Variants in SPECC1L observed in about 807,000 individuals in gnomAD.
The protein encoded by SPECC1L is cytospin-A.
SPECC1L carries 40 observed loss-of-function variants against 116.8 expected under a neutral mutation model. The observed-to-expected ratio is 0.34, with a 90% confidence interval of 0.27 to 0.45. The LOEUF is 0.45. Ranked by LOEUF, SPECC1L falls within the 20% of genes least tolerant of loss-of-function variation. The pLI is 1.00. For synonymous variants in SPECC1L, 504 were observed against 500.6 expected (o/e 1.01, Z -0.09); for missense variants, 1,110 against 1,373.6 (o/e 0.81, Z 3.03).
intron 3 of SPECC1L, among the ~76,000 whole-genome samples, chr22:24,306,424 A>G (rs906922692): frequency 6.6e-6 from 1 of 151,248 alleles, no homozygotes; most frequent in Non-Finnish European, 1.5e-5. Context: ...TTGCCTGCCC[A>G]GGCTGGAGTA....
At chr22:24,351,005 G>A (rs2041410142) in intron 11 of SPECC1L, among the ~76,000 whole-genome samples, 1 of 152,170 alleles carries the variant, frequency 6.6e-6, no homozygotes. Context: ...TGAGGAGAGT[G>A]GAGTGCTGCA....
intron 13 of SPECC1L, among the ~76,000 whole-genome samples, chr22:24,366,808 G>A (rs1446627623): frequency 6.6e-6 from 1 of 152,138 alleles, no homozygotes; most frequent in African/African-American, 2.4e-5. Context: ...AGGACTAAGA[G>A]GTATTAAGAA....
At chr22:24,307,635 A>G (rs1569414071) in intron 3 of SPECC1L, among the ~76,000 whole-genome samples, 3 of 151,856 alleles carry the variant, frequency 2.0e-5, no homozygotes, top group Non-Finnish European at 4.4e-5. Flanking sequence ...ACGTACGTGT[A>G]TGTGTATGTG....
intron 3 of SPECC1L, among the ~76,000 whole-genome samples, chr22:24,303,844 G>GGTGTGTGTGTGTGTGT (rs3031935): frequency 1.1e-4 from 16 of 143,990 alleles, no homozygotes; most frequent in East Asian, 4.1e-4. Flanking sequence ...GTTTAAATAG[G>GGTGTGTGTGTGTGTGT]GTGTGTGTGT....
chr22:24,349,560 G>A (rs949138309), intron 11 of SPECC1L, among the ~76,000 whole-genome samples: 5 of 152,112 alleles, frequency 3.3e-5, no homozygotes, highest in Admixed American at 6.6e-5. Context: ...TTCCCATTTT[G>A]ATATTGAATA....
intron 14 of SPECC1L, among the ~76,000 whole-genome samples, chr22:24,397,018 T>C (rs1479356755): frequency 6.6e-6 from 1 of 152,216 alleles, no homozygotes; most frequent in East Asian, 1.9e-4. Context: ...TCTTGTTATA[T>C]TTGGTCCAAA....
At chr22:24,370,016 C>T (rs570162650) in intron 14 of SPECC1L, among the ~76,000 whole-genome samples, 1 of 152,318 alleles carries the variant, frequency 6.6e-6, no homozygotes, top group African/African-American at 2.4e-5. Flanking sequence ...TGCTTTGGCA[C>T]AAATGCACAG....
At chr22:24,361,556 A>T (rs923454088) in intron 11 of SPECC1L, among the ~76,000 whole-genome samples, 1 of 152,104 alleles carries the variant, frequency 6.6e-6, no homozygotes, top group Non-Finnish European at 1.5e-5. Flanking sequence ...GGAGGCTGAG[A>T]CGGGAGAATC....
chr22:24,272,234 G>A (rs1381518302), intron 1 of SPECC1L, among the ~76,000 whole-genome samples: 1 of 150,868 alleles, frequency 6.6e-6, no homozygotes, highest in Admixed American at 6.6e-5. Context: ...TACAAAAAGC[G>A]CGCGCCTGTA....
At chr22:24,386,081 G>T (rs1427513810) in intron 14 of SPECC1L, among the ~76,000 whole-genome samples, 2 of 150,602 alleles carry the variant, frequency 1.3e-5, no homozygotes, top group Non-Finnish European at 3.0e-5. Flanking sequence ...ATGAACAAAA[G>T]CATTTGATAA....
intron 2 of SPECC1L, among the ~76,000 whole-genome samples, chr22:24,290,418 C>T (rs1489416014): frequency 6.6e-6 from 1 of 152,096 alleles, no homozygotes; most frequent in African/African-American, 2.4e-5. Context: ...GGAAACTACC[C>T]TGTTAAATGT....
In SPECC1L at chr22:24,363,313, G is replaced by A. The variant is rs1350458671; in HGVS notation, c.2796G>A (p.Val932=). 3.1e-6 allele frequency: 5 copies of A among 1,614,170 alleles called. No homozygotes were observed. Among genetic ancestry groups the A allele is most frequent in the Non-Finnish European group, 3.4e-6 (4 of 1,180,010 alleles). The change falls in exon 12 of 17, where the codon GTG becomes GTA. Residue 932 remains valine, a synonymous_variant. Transcript: ENST00000314328. ...GCCGGCCTGCTTCCCTGCCAAGAGTGCCTGCGATGGAAAGTGCCAAGACCC... is the reference window on the plus strand; with the variant it reads ...GCCGGCCTGCTTCCCTGCCAAGAGTACCTGCGATGGAAAGTGCCAAGACCC... ...SASRPASLPR[V]PAMESAKTLS... is the part of the protein sequence containing the mutation.
chr22:24,328,024 G>GT (rs1291259165), intron 6 of SPECC1L, among the ~76,000 whole-genome samples: 2 of 152,214 alleles, frequency 1.3e-5, no homozygotes, highest in Non-Finnish European at 2.9e-5. Flanking sequence ...AGCTGTCAAA[G>GT]TAACACAGCC....
intron 1 of SPECC1L, among the ~76,000 whole-genome samples, chr22:24,272,389 A>G (rs994880441): frequency 6.9e-6 from 1 of 144,356 alleles, no homozygotes; most frequent in Non-Finnish European, 1.5e-5. Context: ...CAGATATAAC[A>G]AGGCCGAGCT....
chr22:24,308,348 A>T (rs999724443), intron 3 of SPECC1L, among the ~76,000 whole-genome samples: 1 of 152,176 alleles, frequency 6.6e-6, no homozygotes, highest in African/African-American at 2.4e-5. Context: ...TCCTATTTAA[A>T]TTCGGAATAG....
chr22:24,396,278 T>A (rs1254767998), intron 14 of SPECC1L, among the ~76,000 whole-genome samples: 1 of 149,046 alleles, frequency 6.7e-6, no homozygotes, highest in African/African-American at 2.5e-5. Flanking sequence ...ACCTTTGCCC[T>A]CAAAGAACTT....
At chr22:24,306,818 C>T (rs140181239) in intron 3 of SPECC1L, among the ~76,000 whole-genome samples, 160 of 152,324 alleles carry the variant, frequency 1.1e-3, no homozygotes, top group African/African-American at 3.7e-3. Context: ...ATTCCCTCTT[C>T]TCTCCAGCGC....
At chr22:24,406,028 T>C (rs550992816) in intron 14 of SPECC1L, among the ~76,000 whole-genome samples, 138 of 152,200 alleles carry the variant, frequency 9.1e-4, no homozygotes, top group South Asian at 4.1e-3. Context: ...TGAGTTGTTT[T>C]TATCCAAGAC....
chr22:24,366,335 A>C (rs532795459), intron 13 of SPECC1L, among the ~76,000 whole-genome samples: 2 of 152,062 alleles, frequency 1.3e-5, no homozygotes, highest in South Asian at 4.2e-4. Context: ...CTGGGACTAC[A>C]GGCGCCTGCC....
Sources: allele counts gnomAD v4.1 joint callset (sites outside exome capture counted in the v4.1 genomes callset), GRCh38; gene constraint gnomAD v4.1.1; transcripts MANE v1.5; gene names NCBI Gene and HGNC (gene_info 2026-07-23, HGNC 2026-07-21).